The following KLRG1 variants were observed in gnomAD, a reference collection of about 807,000 sequenced individuals.
KLRG1 encodes the protein killer cell lectin like receptor G1, also known as killer cell lectin-like receptor subfamily G member 1.
In KLRG1, 16 loss-of-function variants were observed where a neutral mutation model predicts 21.8. The ratio of observed to expected loss-of-function variants is 0.73; its 90% confidence interval spans 0.50 to 1.11. The LOEUF is 1.11. Ranked by LOEUF, KLRG1 falls within the 50% of genes most tolerant of loss-of-function variation. The pLI, the probability that KLRG1 is intolerant of heterozygous loss-of-function variation, is 0.00. For synonymous variants in KLRG1, 69 were observed against 75.9 expected (o/e 0.91, Z 0.47); for missense variants, 173 against 218.3 (o/e 0.79, Z 1.31).
the KLRG1 span, among the ~76,000 whole-genome samples, chr12:9,120,852 CGTGTGTGTGTGTGT>C: frequency 1.4e-5 from 2 of 143,408 alleles, no homozygotes; most frequent in African/African-American, 5.1e-5. Flanking sequence ...ATCCCACTAA[CGTGTGTGTGTGTGT>C]GTGTGTGTGT....
At chr12:9,089,086 G>T in the KLRG1 span, 1 of 820,536 alleles carries the variant, frequency 1.2e-6, no homozygotes, top group Non-Finnish European at 1.9e-6. Flanking sequence ...CAAATGCATT[G>T]ATGGTGCTTC....
At chr12:9,060,213 G>T in the KLRG1 span, among the ~76,000 whole-genome samples, 5 of 136,072 alleles carry the variant, frequency 3.7e-5, 1 homozygote, top group South Asian at 1.2e-3. Flanking sequence ...TTGTAGAGAC[G>T]GGGCTTCATT....
the KLRG1 span, among the ~76,000 whole-genome samples, chr12:9,166,453 G>A: frequency 1.3e-5 from 2 of 152,130 alleles, no homozygotes; most frequent in African/African-American, 2.4e-5. Flanking sequence ...CTGGAAAAAC[G>A]AGATCACTTG....
the KLRG1 span, chr12:9,150,707 G>A: frequency 2.5e-6 from 4 of 1,613,032 alleles, no homozygotes; most frequent in South Asian, 1.1e-5. Flanking sequence ...GGGATGTCTT[G>A]CAGAACCATG....
At chr12:9,135,102 G>T in the KLRG1 span, 1 of 212,474 alleles carries the variant, frequency 4.7e-6, no homozygotes, top group Non-Finnish European at 9.9e-6. Flanking sequence ...CACCAGGGTA[G>T]GCGAGATGGC....
chr12:9,045,970 T>C, the KLRG1 span, among the ~76,000 whole-genome samples: 2 of 151,862 alleles, frequency 1.3e-5, no homozygotes, highest in Non-Finnish European at 2.9e-5. Flanking sequence ...CACTTATAAG[T>C]GGGAGCTGAA....
the KLRG1 span, among the ~76,000 whole-genome samples, chr12:9,209,151 G>A: frequency 1.7e-3 from 255 of 152,118 alleles, no homozygotes; most frequent in Admixed American, 2.7e-3. Flanking sequence ...CATAGAACTT[G>A]TAGTACAATG....
chr12:9,119,365 T>G, the KLRG1 span, among the ~76,000 whole-genome samples: 3 of 152,214 alleles, frequency 2.0e-5, no homozygotes, highest in African/African-American at 7.2e-5. Flanking sequence ...CATTGATAAA[T>G]TCCTGGCTAC....
chr12:9,087,301 A>G, the KLRG1 span, among the ~76,000 whole-genome samples: 417 of 152,332 alleles, frequency 2.7e-3, 1 homozygote, highest in African/African-American at 9.8e-3. Context: ...AAAATTTGGT[A>G]TATACACATA....
At chr12:9,094,557 T>A in the KLRG1 span, among the ~76,000 whole-genome samples, 2 of 152,128 alleles carry the variant, frequency 1.3e-5, no homozygotes, top group Non-Finnish European at 2.9e-5. Flanking sequence ...TCAATCATGA[T>A]TTGACAATAT....
chr12:8,966,027 A>G (rs1356130465), intron 1 of KLRG1, among the ~76,000 whole-genome samples: 1 of 152,168 alleles, frequency 6.6e-6, no homozygotes, highest in East Asian at 1.9e-4. Context: ...CCTCAGAGAT[A>G]ATGCCGCATA....
At chr12:9,086,002 A>C in the KLRG1 span, among the ~76,000 whole-genome samples, 1 of 152,220 alleles carries the variant, frequency 6.6e-6, no homozygotes, top group Non-Finnish European at 1.5e-5. Flanking sequence ...ATCAGTAATA[A>C]AAAGTTTTCC....
chr12:9,027,536 T>C, the KLRG1 span: 13 of 1,151,450 alleles, frequency 1.1e-5, no homozygotes, highest in African/African-American at 1.4e-4. Context: ...ATTAAAATCT[T>C]CTGCCACTGC....
At chr12:9,023,186 G>A in the KLRG1 span, among the ~76,000 whole-genome samples, 3 of 152,288 alleles carry the variant, frequency 2.0e-5, no homozygotes, top group East Asian at 5.8e-4. Context: ...TTGTCAGGCT[G>A]AGCCCTGACC....
At chr12:9,048,964 G>T in the KLRG1 span, among the ~76,000 whole-genome samples, 5 of 152,222 alleles carry the variant, frequency 3.3e-5, no homozygotes, top group African/African-American at 1.2e-4. Flanking sequence ...TTGGGGCAGG[G>T]TTACCTGGCT....
chr12:9,080,116 G>C, the KLRG1 span: 44 of 1,589,026 alleles, frequency 2.8e-5, no homozygotes, highest in Non-Finnish European at 3.4e-5. Context: ...CAGAAGCTCG[G>C]GCAGATTCTT....
the KLRG1 span, among the ~76,000 whole-genome samples, chr12:9,055,100 C>T: frequency 6.6e-6 from 1 of 152,190 alleles, no homozygotes; most frequent in Non-Finnish European, 1.5e-5. Context: ...AACCCAAAGT[C>T]ATACAAATGG....
At chr12:9,188,551 G>C in the KLRG1 span, among the ~76,000 whole-genome samples, 1 of 152,134 alleles carries the variant, frequency 6.6e-6, no homozygotes, top group Non-Finnish European at 1.5e-5. Flanking sequence ...AGAAATAAAG[G>C]GCATCAGCAT....
At chr12:9,141,832 C>G in the KLRG1 span, among the ~76,000 whole-genome samples, 1 of 152,066 alleles carries the variant, frequency 6.6e-6, no homozygotes, top group Non-Finnish European at 1.5e-5. Context: ...AGCCTAGGAC[C>G]CAGACAGAAG....
Sources: gnomAD v4.1 joint callset for allele counts (sites outside exome capture counted in the v4.1 genomes callset) on GRCh38, gnomAD v4.1.1 for gene constraint, MANE v1.5 for transcripts, NCBI Gene and HGNC (gene_info 2026-07-23, HGNC 2026-07-21) for gene names.